The following PPP2R2B variants were observed in gnomAD, a reference collection of about 807,000 sequenced individuals.
PPP2R2B encodes serine/threonine-protein phosphatase 2A 55 kDa regulatory subunit B beta isoform.
PPP2R2B carries 5 observed loss-of-function variants against 46.0 expected under a neutral mutation model. The ratio of observed to expected loss-of-function variants is 0.11; its 90% CI spans 0.06 to 0.23. The LOEUF (loss-of-function observed/expected upper bound fraction) is 0.23, where lower values mean the gene tolerates loss of function less well. Ranked by LOEUF, PPP2R2B falls within the 10% of genes least tolerant of loss-of-function variation. The probability of loss-of-function intolerance (pLI) is 1.00; values close to 1 mark genes in which losing one functional copy is unlikely to be tolerated. For synonymous variants in PPP2R2B, 215 were observed against 206.7 expected, an observed-to-expected ratio of 1.04 and a Z score of -0.34; for missense variants, 367 against 575.0, an observed-to-expected ratio of 0.64 and a Z score of 3.70.
chr5:147,007,138 C>A (rs888779657), intron 1 of PPP2R2B, among the ~76,000 whole-genome samples: 1 of 152,140 alleles, frequency 6.6e-6, no homozygotes, highest in Non-Finnish European at 1.5e-5. Context: ...CCTGGACTGA[C>A]CCGCTGGTCC....
At chr5:146,685,079 T>C (rs1778407035) in intron 5 of PPP2R2B, among the ~76,000 whole-genome samples, 2 of 152,242 alleles carry the variant, frequency 1.3e-5, no homozygotes, top group Admixed American at 6.5e-5. Flanking sequence ...GCATGCTTAG[T>C]ACAGTGTGTA....
intron 1 of PPP2R2B, among the ~76,000 whole-genome samples, chr5:147,042,378 TACA>T (rs1756355412): frequency 1.3e-5 from 2 of 152,240 alleles, no homozygotes; most frequent in South Asian, 4.1e-4. Flanking sequence ...CTCGCTCAGG[TACA>T]ACAACAGGGT....
At chr5:146,689,494 C>T (rs151265356) in intron 5 of PPP2R2B, among the ~76,000 whole-genome samples, 3 of 152,292 alleles carry the variant, frequency 2.0e-5, no homozygotes, top group African/African-American at 7.2e-5. Flanking sequence ...GACCAACAGG[C>T]AATGTAGTCT....
At chr5:146,647,357 C>A (rs1175279556) in intron 6 of PPP2R2B, among the ~76,000 whole-genome samples, 1 of 152,206 alleles carries the variant, frequency 6.6e-6, no homozygotes, top group African/African-American at 2.4e-5. Context: ...TGAGACCTGC[C>A]TGGTGGCTGG....
chr5:146,588,901 T>C lies in PPP2R2B; in HGVS notation c.*1046A>G, dbSNP rs1770318873. The C allele has an allele frequency of 6.6e-6, 1 of 152,168 alleles. No homozygotes were observed. The highest frequency in any genetic ancestry group is 1.5e-5 in the Non-Finnish European group (1 of 68,054). 9.4% of individuals were successfully genotyped at this position (152,168 alleles called of 1,614,324 possible). A position where few individuals can be genotyped will look rare whatever the true frequency, so the allele number is the denominator to read the frequency against. On this transcript the variant is annotated 3_prime_UTR_variant, in exon 10 of 10. Transcript: ENST00000394411. ...TTGTTCTAGGTACAATGGAGGTTGA[T>C]GGATTGTTACTTTTGGTTACCAAAA...
At chr5:146,661,670 G>A (rs1776676616) in intron 5 of PPP2R2B, among the ~76,000 whole-genome samples, 1 of 152,096 alleles carries the variant, frequency 6.6e-6, no homozygotes, top group South Asian at 2.1e-4. Context: ...CTTTTGGCCT[G>A]ACTATAAAAA....
chr5:147,021,732 TA>T (rs1220964207), intron 1 of PPP2R2B, among the ~76,000 whole-genome samples: 1 of 152,186 alleles, frequency 6.6e-6, no homozygotes, highest in Non-Finnish European at 1.5e-5. Context: ...TGAAGCCCAA[TA>T]TTTTTTAATG....
Position 146,878,344 on chromosome 5 carries a change from C to CCTGCCTCCG in PPP2R2B, c.-124-158_-124-150dup. 7.0e-7 allele frequency: 1 copy of CCTGCCTCCG among 1,437,768 alleles called. No homozygotes were observed. Among genetic ancestry groups the CCTGCCTCCG allele is most frequent in the Admixed American group, 2.9e-5 (1 of 35,076 alleles). 89.1% of individuals were successfully genotyped at this position (1,437,768 alleles called of 1,614,324 possible). A position where few individuals can be genotyped will look rare whatever the true frequency, so the allele number is the denominator to read the frequency against. ...TCCAGTTCCCAGCGAGGATGCTGCG[C>CCTGCCTCCG]CTGCCTCCGCTGCCTCCGGGTGCCA... is the stretch of plus-strand genomic sequence containing the variant. On this transcript the variant is annotated intron_variant, in intron 1 of 9. Coordinates refer to ENST00000394411, the MANE Select transcript of PPP2R2B (RefSeq NM_181675.4). This position sits in a 1 kb window ranked among gnomAD's most constrained non-coding sequence, Gnocchi z 4.5.
intron 2 of PPP2R2B, among the ~76,000 whole-genome samples, chr5:146,760,422 T>C (rs1754089033): frequency 6.6e-6 from 1 of 152,184 alleles, no homozygotes; most frequent in Admixed American, 6.6e-5. Context: ...TAAGTGTCTT[T>C]GTGGCCACCA....
At chr5:146,991,402 T>TA (rs1753692276) in intron 1 of PPP2R2B, among the ~76,000 whole-genome samples, 1 of 152,024 alleles carries the variant, frequency 6.6e-6, no homozygotes, top group Non-Finnish European at 1.5e-5. Context: ...AGTAGAATAG[T>TA]GATTACCAGA....
chr5:146,618,178 G>A (rs1477371245), intron 7 of PPP2R2B, among the ~76,000 whole-genome samples: 1 of 152,166 alleles, frequency 6.6e-6, no homozygotes, highest in East Asian at 1.9e-4. Flanking sequence ...TCAGTGTAAT[G>A]ACCATGGTCC....
intron 2 of PPP2R2B, among the ~76,000 whole-genome samples, chr5:146,797,788 T>TGTTA (rs1462731912): frequency 1.3e-5 from 2 of 152,176 alleles, no homozygotes; most frequent in Non-Finnish European, 2.9e-5. Context: ...GAGCCTGACA[T>TGTTA]GTTAATTGGG....
intron 2 of PPP2R2B, among the ~76,000 whole-genome samples, chr5:146,717,668 T>C (rs1203556453): frequency 2.0e-5 from 3 of 152,128 alleles, no homozygotes; most frequent in African/African-American, 4.8e-5. Flanking sequence ...TTTGGGGTAA[T>C]ACAACCTTTT....
intron 1 of PPP2R2B, among the ~76,000 whole-genome samples, chr5:147,041,885 A>G (rs1168624402): frequency 6.6e-6 from 1 of 151,826 alleles, no homozygotes; most frequent in East Asian, 1.9e-4. Flanking sequence ...CTTTCCTTTA[A>G]TCACCTAGCC....
chr5:146,824,092 C>G (rs972045144), intron 2 of PPP2R2B, among the ~76,000 whole-genome samples: 1 of 152,202 alleles, frequency 6.6e-6, no homozygotes, highest in Non-Finnish European at 1.5e-5. Context: ...TCCCCTCTAT[C>G]AGATGTCACA....
intron 2 of PPP2R2B, among the ~76,000 whole-genome samples, chr5:146,836,870 A>G (rs907050828): frequency 6.6e-6 from 1 of 152,178 alleles, no homozygotes; most frequent in Non-Finnish European, 1.5e-5. Context: ...TCTGCATCAA[A>G]ATCATTGGAA....
chr5:146,992,530 T>C lies in PPP2R2B; in HGVS notation c.79+63135A>G, dbSNP rs565207493. On this transcript the variant is annotated intron_variant, in intron 1 of 8. Coordinates refer to the PPP2R2B transcript ENST00000336640. ...GCGGGGAGGGCTTGTTTCTGTTGGG[T>C]GGTAGCGACAGTTCTGACTCTCCAT... Among the ~76,000 whole-genome samples, 27 of 152,242 alleles carry C rather than the reference T, an allele frequency of 1.8e-4. 1 individual carries two copies. The highest frequency in any genetic ancestry group is 6.3e-4 in the African/African-American group (26 of 41,562).
At chr5:147,072,205 T>C (rs1757621927) in intron 2 of PPP2R2B, among the ~76,000 whole-genome samples, 1 of 151,816 alleles carries the variant, frequency 6.6e-6, no homozygotes, top group African/African-American at 2.4e-5. Flanking sequence ...AACTAACTTT[T>C]TGTCTGCAAT....
chr5:147,004,137 A>C (rs1428637868), intron 1 of PPP2R2B, among the ~76,000 whole-genome samples: 1 of 152,174 alleles, frequency 6.6e-6, no homozygotes, highest in Admixed American at 6.5e-5. Flanking sequence ...AGAGGACAGA[A>C]AACAGAGCAG....
Sources: allele counts gnomAD v4.1 joint callset (sites outside exome capture counted in the v4.1 genomes callset), GRCh38; gene constraint gnomAD v4.1.1; non-coding constraint Gnocchi (gnomAD v3.1); transcripts MANE v1.5; gene names NCBI Gene and HGNC (gene_info 2026-07-23, HGNC 2026-07-21).